PDIA4: variants seen among roughly 807,000 people sequenced by gnomAD.
The protein encoded by PDIA4 is protein disulfide-isomerase A4.
In PDIA4, 33 loss-of-function variants were observed where a neutral mutation model predicts 62.1. The ratio of observed to expected loss-of-function variants is 0.53; its 90% CI spans 0.40 to 0.71. The LOEUF is 0.71. Ranked by LOEUF, PDIA4 falls within the 30% of genes least tolerant of loss-of-function variation. The probability of loss-of-function intolerance (pLI) is 0.00; values close to 1 mark genes in which losing one functional copy is unlikely to be tolerated. For synonymous variants in PDIA4, 341 were observed against 324.1 expected, an observed-to-expected ratio of 1.05 and a Z score of -0.56; for missense variants, 804 against 813.6, an observed-to-expected ratio of 0.99 and a Z score of 0.14.
chr7:149,011,729 G>A, intron 6 of PDIA4, 117 bp downstream of exon 6: 1 of 781,220 alleles, frequency 1.3e-6, no homozygotes, highest in Non-Finnish European at 2.0e-6. Flanking sequence ...CTTATTCCCA[G>A]AGATGGCTCA....
chr7:149,011,979 C>T lies in PDIA4; in HGVS notation c.846G>A (p.Gln282=). The T allele has an allele frequency of 6.3e-7, 1 of 1,599,870 alleles. No individual in the cohort carries two copies. The highest frequency in any genetic ancestry group is 8.5e-7 in the Non-Finnish European group (1 of 1,172,476). ...KYGIVDYMIE[Q]SGPPSKEILT... is the part of the protein sequence containing the mutation. ...GAATCTCCTTGGAGGGAGGCCCGGA[C>T]TGCTCGATCATGTAATCAACGATTC... The change falls in exon 6 of 10, where the codon CAG becomes CAA. Residue 282 remains glutamine (Q), a synonymous_variant. Coordinates refer to ENST00000652332, the MANE Select transcript of PDIA4 (RefSeq NM_004911.5).
At chr7:149,021,938 C>G (rs1239240583) in intron 1 of PDIA4, among the ~76,000 whole-genome samples, 2 of 152,168 alleles carry the variant, frequency 1.3e-5, no homozygotes. Context: ...CGTGATCTCG[C>G]CCTAGCTTGT....
chr7:149,012,040 A>G, intron 5 of PDIA4, 36 bp from the exon 6 acceptor site: 1 of 1,597,106 alleles, frequency 6.3e-7, no homozygotes, highest in South Asian at 1.1e-5. Context: ...AGGGGCACTA[A>G]GAACTGCCCA....
rs1563126087 is a variant in PDIA4, at chr7:149,028,257, G to GGCCCCCGCACAGCTCTGCA, written c.88+45_88+63dup. 1.5e-5 allele frequency: 19 copies of GGCCCCCGCACAGCTCTGCA among 1,249,578 alleles called. No individual in the cohort carries two copies. In the East Asian group the frequency reaches 4.4e-4, roughly 29 times the overall value. 77.4% of individuals were successfully genotyped at this position (1,249,578 alleles called of 1,614,324 possible). A position where few individuals can be genotyped will look rare whatever the true frequency, so the allele number is the denominator to read the frequency against. ...CCGCCCGCCGGGGTCGCAGGGCCCA[G>GGCCCCCGCACAGCTCTGCA]GCCCCCGCACAGCTCTGCAGCCCCC... On this transcript the variant is annotated intron_variant, in intron 1 of 9. Coordinates refer to ENST00000652332, the MANE Select transcript of PDIA4 (RefSeq NM_004911.5).
Position 149,021,060 on chromosome 7 carries a change from T to C in PDIA4, c.176A>G (p.Lys59Arg). ...TAGGACCAAGACTCCATTTTCTTCC[T>C]TAACTTCCAAGTCGTCTTCTTCCTC... ...DDEEEDDLEV[K>R]EENGVLVLND... Residue 59 changes from lysine to arginine, a missense_variant, in exon 2 of 10, where the codon AAG (lysine) becomes AGG (arginine). By Grantham distance (26) the Lys-to-Arg change is conservative (BLOSUM62 2). Transcript: ENST00000652332. 6.2e-7 allele frequency: 1 copy of C among 1,614,148 alleles called. No homozygotes were observed. Among genetic ancestry groups the C allele is most frequent in the Non-Finnish European group, 8.5e-7 (1 of 1,179,990 alleles).
chr7:149,018,882 T>C, intron 3 of PDIA4, 110 bp downstream of exon 3: 3 of 418,720 alleles, frequency 7.2e-6, no homozygotes, highest in Non-Finnish European at 4.5e-6. Flanking sequence ...AGGGCTAAGG[T>C]TCCTGAGAAA....
At chr7:149,013,932 C>T (rs1436555396) in intron 4 of PDIA4, among the ~76,000 whole-genome samples, 2 of 152,164 alleles carry the variant, frequency 1.3e-5, no homozygotes, top group Admixed American at 6.5e-5. Context: ...CACCTCCCAC[C>T]CATCAGGCCA....
Position 149,004,223 on chromosome 7 carries a change from C to A in PDIA4, c.1523-14G>T. ...GCTTCAGTTTTCCTGCCAAGGAAAG[C>A]AAGGCGGGAGGGGGCGTCAGTGCTG... On this transcript the variant is annotated splice_polypyrimidine_tract_variant and intron_variant, in intron 9 of 9. Coordinates refer to ENST00000652332, the MANE Select transcript of PDIA4 (RefSeq NM_004911.5). 1 of 1,606,118 alleles carries A rather than the reference C, an allele frequency of 6.2e-7. No homozygotes were observed. Among genetic ancestry groups the A allele is most frequent in the South Asian group, 1.1e-5 (1 of 89,974 alleles).
chr7:149,021,171 G>A, intron 1 of PDIA4, 24 bp from the exon 2 acceptor site: 1 of 1,554,568 alleles, frequency 6.4e-7, no homozygotes, highest in South Asian at 1.2e-5. Context: ...ACCCAGACTG[G>A]TTACAAAGCT....
intron 6 of PDIA4, among the ~76,000 whole-genome samples, chr7:149,010,335 C>T (rs1009296914): frequency 6.6e-6 from 1 of 151,782 alleles, no homozygotes; most frequent in African/African-American, 2.4e-5. Flanking sequence ...CTTGTCTCCA[C>T]AAAAAAAATT....
chr7:149,016,685 A>G (rs113140244), intron 3 of PDIA4, among the ~76,000 whole-genome samples: 1,919 of 152,086 alleles, frequency 0.013, 42 homozygotes, highest in African/African-American at 0.044. Context: ...CTAATTTTTT[A>G]TATTTTTAGT....
At chr7:149,013,050 C>G (rs1824006756) in intron 4 of PDIA4, among the ~76,000 whole-genome samples, 1 of 152,112 alleles carries the variant, frequency 6.6e-6, no homozygotes, top group African/African-American at 2.4e-5. Context: ...GAGTTTGAGA[C>G]CAGCCTGGCC....
Position 149,028,343 on chromosome 7 carries a change from C to T in PDIA4, c.66G>A (p.Ala22=). Residue 22 remains alanine, a synonymous_variant, in exon 1 of 10, where the codon GCG becomes GCA. Transcript: ENST00000652332. ...LLGLVQLLAV[A]GAEGPDEDSS... is the part of the protein sequence containing the mutation. The stretch of plus-strand genomic sequence containing the variant: ...CACCCTCGTCCGGGCCCTCGGCACC[C>T]GCCACGGCCAGCAGCTGCACCAGCC... The T allele has an allele frequency of 6.6e-7, 1 of 1,525,218 alleles. No individual in the cohort carries two copies. The highest frequency in any genetic ancestry group is 8.8e-7 in the Non-Finnish European group (1 of 1,138,492). The allele number at this position is 1,525,218 out of a possible 1,614,324, so 94.5% of individuals were successfully genotyped here.
rs773962719 is a variant in PDIA4 at position 149,012,170 on chromosome 7, G to A, written c.805C>T (p.Pro269Ser). Residue 269 changes from proline (P) to serine (S), a missense_variant, in exon 5 of 10, where the codon CCA becomes TCA. Physicochemically the swap from Pro to Ser is moderately conservative, Grantham distance 74. Coordinates refer to ENST00000652332, the MANE Select transcript of PDIA4 (RefSeq NM_004911.5). Reference sequence around the variant, plus strand: ...GTGGCCATACCATATTTTTCTCGTGGGCCGTTGTAGTCATAAGGCCTTCCT... The same window carrying A: ...GTGGCCATACCATATTTTTCTCGTGAGCCGTTGTAGTCATAAGGCCTTCCT... ...RKGRPYDYNG[P>S]REKYGIVDYM... 3.1e-6 allele frequency: 5 copies of A among 1,614,114 alleles called. No individual in the cohort carries two copies. In the East Asian group the frequency reaches 8.9e-5, roughly 29 times the overall value.
At chr7:149,022,070 C>T (rs1049108345) in intron 1 of PDIA4, among the ~76,000 whole-genome samples, 1 of 152,132 alleles carries the variant, frequency 6.6e-6, no homozygotes, top group African/African-American at 2.4e-5. Context: ...CAAAAGAGTA[C>T]CAACAGGAAA....
At position 149,012,241 on chromosome 7, in the gene PDIA4, T is replaced by C. The variant is rs1823970728; in HGVS notation, c.734A>G (p.Lys245Arg). Reference sequence around the variant, plus strand: ...GGGATAGCCAGAGACATCAAACCTCTTGGCCAGGTCTGTTTCTGCGGTGGC... The same window carrying C: ...GGGATAGCCAGAGACATCAAACCTCCTGGCCAGGTCTGTTTCTGCGGTGGC... ...VDATAETDLA[K>R]RFDVSGYPTL... The change falls in exon 5 of 10, where the codon AAG becomes AGG. Residue 245 changes from lysine (K) to arginine (R), a missense_variant. Lys to Arg is a conservative substitution (Grantham distance 26). Coordinates refer to ENST00000652332, the MANE Select transcript of PDIA4 (RefSeq NM_004911.5). 1 of 1,614,034 alleles carries C rather than the reference T, an allele frequency of 6.2e-7. No homozygotes were observed. The highest frequency in any genetic ancestry group is 1.1e-5 in the South Asian group (1 of 91,084).
chr7:149,021,488 C>CAAAAA (rs34989074), intron 1 of PDIA4, among the ~76,000 whole-genome samples: 3 of 64,894 alleles, frequency 4.6e-5, no homozygotes, highest in Admixed American at 2.0e-4. Context: ...CACTTCATCT[C>CAAAAA]AAAAAAAAAA....
At chr7:149,020,047 C>A (rs938618882) in intron 2 of PDIA4, among the ~76,000 whole-genome samples, 2 of 152,114 alleles carry the variant, frequency 1.3e-5, no homozygotes, top group South Asian at 4.1e-4. Flanking sequence ...TGCAGCCTCC[C>A]CCTCCTAGGT....
At chr7:149,019,316 T>C in intron 2 of PDIA4, 119 bp from the exon 3 acceptor site, 3 of 726,186 alleles carry the variant, frequency 4.1e-6, no homozygotes, top group Admixed American at 2.1e-5. Flanking sequence ...TGTTGAAATC[T>C]GATCCCCAGT....
Sources: gnomAD v4.1 joint callset for allele counts (sites outside exome capture counted in the v4.1 genomes callset) on GRCh38, gnomAD v4.1.1 for gene constraint, MANE v1.5 for transcripts, NCBI Gene and HGNC (gene_info 2026-07-23, HGNC 2026-07-21) for gene names.